The following SKAP1 variants were observed in gnomAD, a reference collection of about 807,000 sequenced individuals.
The protein encoded by SKAP1 is src kinase-associated phosphoprotein 1.
In SKAP1, 44 loss-of-function variants were observed where a neutral mutation model predicts 58.5. That is an observed-to-expected ratio of 0.75 (90% CI 0.59 to 0.97). The LOEUF is 0.97. Among genes scored for constraint, SKAP1 ranks in the 50% least tolerant of loss-of-function variants. SKAP1 has a pLI of 0.00. For missense variants in SKAP1, 390 were observed against 435.2 expected (o/e 0.90, Z 0.92); for synonymous variants, 127 against 149.7 (o/e 0.85, Z 1.11).
rs188988582 is a variant in SKAP1, at chr17:48,313,128, A to G, written c.280+32777T>C. Reference sequence around the variant, plus strand: ...TGGGTTGCTTGGTTTCTTGTTATGCACTATTGGTGGCGGGGCGGTGGGGGG... The same window carrying G: ...TGGGTTGCTTGGTTTCTTGTTATGCGCTATTGGTGGCGGGGCGGTGGGGGG... On this transcript the variant is annotated intron_variant, in intron 4 of 12. Transcript: ENST00000336915. Among the ~76,000 whole-genome samples, 314 of 112,804 alleles carry G rather than the reference A, an allele frequency of 2.8e-3. 3 individuals are homozygous for G. Among genetic ancestry groups the G allele is most frequent in the Admixed American group, 0.011 (84 of 7,856 alleles). The allele number at this position is 112,804 out of a possible 152,430, so 74.0% of individuals were successfully genotyped here.
At position 48,182,509 on chromosome 17, in the gene SKAP1, A is replaced by G. The variant is rs537853215; in HGVS notation, c.568-52T>C. On this transcript the variant is annotated intron_variant, in intron 7 of 12. Transcript: ENST00000336915. ...ATCACTGTCACTAAAATTTCCATGA[A>G]TCTTGACAGGGATGTCCAAGGGGGA... 9.7e-6 allele frequency: 13 copies of G among 1,345,050 alleles called. No homozygotes were observed. The South Asian group carries it at 9.7e-5, about 10-fold the overall frequency. 83.3% of individuals were successfully genotyped at this position (1,345,050 alleles called of 1,614,324 possible).
At chr17:48,140,622 C>T (rs1169492423) in intron 11 of SKAP1, among the ~76,000 whole-genome samples, 2 of 152,114 alleles carry the variant, frequency 1.3e-5, no homozygotes, top group African/African-American at 4.8e-5. Context: ...ACATGTAATC[C>T]TGCCTTCACC....
At chr17:48,223,798 A>G (rs2065031855) in intron 4 of SKAP1, among the ~76,000 whole-genome samples, 1 of 152,190 alleles carries the variant, frequency 6.6e-6, no homozygotes, top group Non-Finnish European at 1.5e-5. Context: ...TATGACTACA[A>G]GTACAAGGTA....
chr17:48,321,778 T>C (rs1306130137), intron 4 of SKAP1, among the ~76,000 whole-genome samples: 13 of 152,160 alleles, frequency 8.5e-5, no homozygotes, highest in African/African-American at 2.9e-4. Flanking sequence ...ACCAACACCA[T>C]GGCAAGCATC....
intron 4 of SKAP1, among the ~76,000 whole-genome samples, chr17:48,262,991 C>T (rs1210989785): frequency 6.6e-6 from 1 of 152,120 alleles, no homozygotes; most frequent in African/African-American, 2.4e-5. Flanking sequence ...CATTTCAAAA[C>T]AGTATTTCAT....
At chr17:48,207,508 A>G (rs908621361) in intron 4 of SKAP1, among the ~76,000 whole-genome samples, 1 of 151,878 alleles carries the variant, frequency 6.6e-6, no homozygotes, top group African/African-American at 2.4e-5. Flanking sequence ...AAAAAGAAAA[A>G]AAATTTACAT....
Position 48,133,730 on chromosome 17 carries a change from G to T in SKAP1, c.*94C>A, listed in dbSNP as rs1313409214. ...TCTTCAGCAAAGAGAGGAGTCCAAGGCGTTGGTGGGGTGGCAGAAGTAGGG... is the reference window on the plus strand; with the variant it reads ...TCTTCAGCAAAGAGAGGAGTCCAAGTCGTTGGTGGGGTGGCAGAAGTAGGG... On this transcript the variant is annotated 3_prime_UTR_variant, in exon 13 of 13. Coordinates refer to ENST00000336915, the MANE Select transcript of SKAP1 (RefSeq NM_003726.4). 6.6e-6 allele frequency: 1 copy of T among 152,634 alleles called. No homozygotes were observed. The highest frequency in any genetic ancestry group is 1.5e-5 in the Non-Finnish European group (1 of 68,046). The allele number at this position is 152,634 out of a possible 1,614,324, so 9.5% of individuals were successfully genotyped here. A position where few individuals can be genotyped will look rare whatever the true frequency, so the allele number is the denominator to read the frequency against.
chr17:48,385,662 A>C (rs377752249), intron 2 of SKAP1, among the ~76,000 whole-genome samples: 23 of 152,214 alleles, frequency 1.5e-4, no homozygotes, highest in African/African-American at 3.6e-4. Context: ...CAGAAGTAGC[A>C]GCAGGGAGCT....
intron 2 of SKAP1, among the ~76,000 whole-genome samples, chr17:48,392,006 A>G (rs947598156): frequency 6.6e-6 from 1 of 151,954 alleles, no homozygotes; most frequent in African/African-American, 2.4e-5. Context: ...GAAAAGTAAA[A>G]CTCTCTATAT....
chr17:48,237,586 G>T (rs1463210888), intron 4 of SKAP1, among the ~76,000 whole-genome samples: 1 of 152,148 alleles, frequency 6.6e-6, no homozygotes, highest in Non-Finnish European at 1.5e-5. Flanking sequence ...ATTCTAGAGG[G>T]ATTATTCTTT....
chr17:48,153,894 T>TAA (rs1259590946), intron 11 of SKAP1, among the ~76,000 whole-genome samples: 23 of 99,240 alleles, frequency 2.3e-4, no homozygotes, highest in African/African-American at 5.7e-4. Context: ...GCCCTGAAAT[T>TAA]AAAAAAAAAA....
At chr17:48,348,314 C>A (rs2066750123) in intron 3 of SKAP1, among the ~76,000 whole-genome samples, 1 of 148,804 alleles carries the variant, frequency 6.7e-6, no homozygotes, top group African/African-American at 2.5e-5. Flanking sequence ...TGCACTCCAA[C>A]CTAGACAACA....
At chr17:48,243,304 A>C (rs1016992585) in intron 4 of SKAP1, among the ~76,000 whole-genome samples, 4 of 152,186 alleles carry the variant, frequency 2.6e-5, no homozygotes, top group Non-Finnish European at 5.9e-5. Context: ...TAGGACTTTA[A>C]AGAGATATAA....
upstream of SKAP1, among the ~76,000 whole-genome samples, chr17:48,434,987 C>G (rs2144640313): frequency 6.6e-6 from 1 of 151,882 alleles, no homozygotes; most frequent in East Asian, 1.9e-4. Context: ...ACAAAAAATT[C>G]AAAAATTTCA....
intron 2 of SKAP1, among the ~76,000 whole-genome samples, chr17:48,386,337 AC>A (rs1381093906): frequency 3.2e-4 from 48 of 148,268 alleles, no homozygotes; most frequent in African/African-American, 1.2e-3. Flanking sequence ...TGACTATAAG[AC>A]CATTCATGCC....
At chr17:48,169,995 AG>A (rs2064187602) in intron 10 of SKAP1, among the ~76,000 whole-genome samples, 2 of 152,330 alleles carry the variant, frequency 1.3e-5, no homozygotes, top group East Asian at 1.9e-4. Context: ...GAGGCTTCAG[AG>A]GGGCATCTGA....
intron 11 of SKAP1, among the ~76,000 whole-genome samples, chr17:48,141,095 C>G (rs2063761903): frequency 6.6e-6 from 1 of 152,158 alleles, no homozygotes; most frequent in South Asian, 2.1e-4. Context: ...CCCCATCCCC[C>G]TCTTCTAATC....
In SKAP1 at chr17:48,253,658, T is replaced by C. The variant is rs192259205; in HGVS notation, c.281-64158A>G. On this transcript the variant is annotated intron_variant, in intron 4 of 12. Coordinates refer to ENST00000336915, the MANE Select transcript of SKAP1 (RefSeq NM_003726.4). The stretch of plus-strand genomic sequence containing the variant: ...ACTGAACCTGGACCCTGCTGTGTTC[T>C]GTAATAGACCTCTTCTTCTATACGA... Among the ~76,000 whole-genome samples the C allele has an allele frequency of 7.9e-5, 12 of 152,258 alleles. No homozygotes were observed. In the East Asian group the frequency reaches 1.9e-3, roughly 25 times the overall value.
intron 1 of SKAP1, among the ~76,000 whole-genome samples, chr17:48,410,832 C>G (rs1379565192): frequency 6.8e-6 from 1 of 146,126 alleles, no homozygotes; most frequent in Non-Finnish European, 1.5e-5. Flanking sequence ...GAGGCTGAGG[C>G]ACAAGAATCG....
Sources: allele counts gnomAD v4.1 joint callset (sites outside exome capture counted in the v4.1 genomes callset), GRCh38; gene constraint gnomAD v4.1.1; transcripts MANE v1.5; gene names NCBI Gene and HGNC (gene_info 2026-07-23, HGNC 2026-07-21).